Variants in JAKMIP1 observed in about 807,000 individuals in gnomAD.
The protein encoded by JAKMIP1 is janus kinase and microtubule-interacting protein 1.
Under a neutral mutation model 113.0 loss-of-function variants are expected in JAKMIP1, and 33 were observed. That is an observed-to-expected ratio of 0.29 (90% CI 0.22 to 0.39). The LOEUF (loss-of-function observed/expected upper bound fraction) is 0.39, where lower values mean the gene tolerates loss of function less well. JAKMIP1 is among the 10% of genes least tolerant of loss of function. The pLI, the probability that JAKMIP1 is intolerant of heterozygous loss-of-function variation, is 1.00. For missense variants in JAKMIP1, 813 were observed against 1,080.5 expected (o/e 0.75, Z 3.47); for synonymous variants, 480 against 459.9 (o/e 1.04, Z -0.56).
chr4:6,095,511 T>C (rs2108851111), intron 3 of JAKMIP1, among the ~76,000 whole-genome samples: 1 of 152,354 alleles, frequency 6.6e-6, no homozygotes, highest in African/African-American at 2.4e-5. Context: ...GACAGAGTCC[T>C]GTTTGCAGCC....
At chr4:6,056,412 G>T (rs1003553508) in intron 12 of JAKMIP1, among the ~76,000 whole-genome samples, 1 of 152,224 alleles carries the variant, frequency 6.6e-6, no homozygotes, top group Non-Finnish European at 1.5e-5. Flanking sequence ...CCCCATTTCT[G>T]CAGAGTGGCC....
chr4:6,090,720 C>T (rs1402963394), intron 3 of JAKMIP1, among the ~76,000 whole-genome samples: 1 of 152,066 alleles, frequency 6.6e-6, no homozygotes, highest in East Asian at 1.9e-4. Flanking sequence ...AATGTCAAAA[C>T]GCCATGTTGA....
intron 8 of JAKMIP1, among the ~76,000 whole-genome samples, chr4:6,077,264 C>A (rs143716760): frequency 4.9e-4 from 74 of 151,996 alleles, no homozygotes; most frequent in Non-Finnish European, 8.7e-4. Context: ...TATGTGAAGC[C>A]ACAGAGACAC....
chr4:6,170,124 TCACCAC>T (rs1466622649), intron 1 of JAKMIP1, among the ~76,000 whole-genome samples: 6 of 126,974 alleles, frequency 4.7e-5, no homozygotes, highest in African/African-American at 1.8e-4. Flanking sequence ...ATCATCACCA[TCACCAC>T]CACCACCACT....
chr4:6,114,059 C>T (rs1026202316), intron 1 of JAKMIP1, among the ~76,000 whole-genome samples: 15 of 152,200 alleles, frequency 9.9e-5, no homozygotes, highest in Non-Finnish European at 1.5e-4. Context: ...TTACTAGGCC[C>T]ATTTTAGAGA....
chr4:6,062,555 A>T, intron 9 of JAKMIP1, 115 bp from the exon 10 acceptor site: 121 of 1,109,818 alleles, frequency 1.1e-4, no homozygotes, highest in Middle Eastern at 6.0e-4. Context: ...TTTGAGTGCC[A>T]GGGTCAACTT....
chr4:6,041,806 T>A (rs1278360484), intron 17 of JAKMIP1, among the ~76,000 whole-genome samples: 1 of 152,152 alleles, frequency 6.6e-6, no homozygotes, highest in Non-Finnish European at 1.5e-5. Context: ...CTGGGCTGTG[T>A]CTCTCCTAAC....
At position 6,080,009 on chromosome 4, in the gene JAKMIP1, G is replaced by A. The variant is rs1483902585; in HGVS notation, c.1242+163C>T. On this transcript the variant is annotated intron_variant, in intron 7 of 20. Transcript: ENST00000409021. This position sits in a 1 kb window ranked among gnomAD's most constrained non-coding sequence, Gnocchi z 6.0. The stretch of plus-strand genomic sequence containing the variant: ...GCTGCTTAGTGGCAGAATGAAGCGG[G>A]AATGTGCACACCAGGGTGAGCTTGG... Among the ~76,000 whole-genome samples, 1 of 152,228 alleles carries A rather than the reference G, an allele frequency of 6.6e-6. No homozygotes were observed. The highest frequency in any genetic ancestry group is 1.5e-5 in the Non-Finnish European group (1 of 68,040).
At chr4:6,113,066 A>G in intron 1 of JAKMIP1, 69 bp from the exon 2 acceptor site, 1 of 680,666 alleles carries the variant, frequency 1.5e-6, no homozygotes, top group Non-Finnish European at 2.3e-6. Context: ...TGCCTCGGGC[A>G]CCCTGGGCCA....
chr4:6,030,495 C>T (rs1004821825), intron 19 of JAKMIP1, among the ~76,000 whole-genome samples: 2 of 152,120 alleles, frequency 1.3e-5, no homozygotes, highest in African/African-American at 4.8e-5. Context: ...CATTCCTTCC[C>T]ATCCCACACA....
intron 3 of JAKMIP1, among the ~76,000 whole-genome samples, chr4:6,098,552 AAGAAAGAAAG>A (rs1560179904): frequency 1.5e-3 from 49 of 32,664 alleles, no homozygotes; most frequent in East Asian, 0.02. Flanking sequence ...AAGAAAAAGA[AAGAAAGAAAG>A]AAAGAAAGAA....
intron 1 of JAKMIP1, among the ~76,000 whole-genome samples, chr4:6,191,666 C>T (rs758712041): frequency 6.6e-6 from 1 of 152,334 alleles, no homozygotes; most frequent in Admixed American, 6.5e-5. Flanking sequence ...AGCCTGGACC[C>T]TGCTGCCCTC....
chr4:6,133,594 G>A (rs4624725), intron 1 of JAKMIP1, among the ~76,000 whole-genome samples: 122,990 of 152,166 alleles, frequency 0.81, 49,827 homozygotes, highest in Middle Eastern at 0.83. Context: ...GATAGTGGGT[G>A]GTGGGCAGGG....
intron 1 of JAKMIP1, among the ~76,000 whole-genome samples, chr4:6,133,225 A>G (rs566622142): frequency 9.9e-5 from 15 of 152,196 alleles, no homozygotes; most frequent in Non-Finnish European, 1.8e-4. Context: ...AAGCTCCTGA[A>G]TATTCTATAG....
At chr4:6,071,747 T>G (rs964694928) in intron 8 of JAKMIP1, among the ~76,000 whole-genome samples, 3 of 152,190 alleles carry the variant, frequency 2.0e-5, no homozygotes, top group Non-Finnish European at 4.4e-5. Context: ...ACAGACGGTG[T>G]GTGTGCTTGT....
chr4:6,152,894 C>T (rs764841732), intron 1 of JAKMIP1, among the ~76,000 whole-genome samples: 23 of 150,934 alleles, frequency 1.5e-4, no homozygotes, highest in Non-Finnish European at 2.8e-4. Flanking sequence ...TCACTTGAAC[C>T]CAGGAGGCGG....
intron 3 of JAKMIP1, among the ~76,000 whole-genome samples, chr4:6,102,721 A>ATTTT (rs1560188201): frequency 2.5e-5 from 2 of 79,652 alleles, no homozygotes; most frequent in South Asian, 3.8e-4. Flanking sequence ...CTCTCTAAAG[A>ATTTT]CTTTTTTTTT....
Position 6,155,316 on chromosome 4 carries a change from C to A in JAKMIP1, c.-147-42319G>T, listed in dbSNP as rs1222857067. Among the ~76,000 whole-genome samples the A allele has an allele frequency of 6.6e-6, 1 of 152,122 alleles. No individual in the cohort carries two copies. The highest frequency in any genetic ancestry group is 6.5e-5 in the Admixed American group (1 of 15,284). On this transcript the variant is annotated intron_variant, in intron 1 of 20. Coordinates refer to ENST00000409021, the MANE Select transcript of JAKMIP1 (RefSeq NM_001099433.2). The surrounding 1 kb of genome is among the most constrained non-coding windows in gnomAD (Gnocchi z 6.1). Reference sequence around the variant, plus strand: ...AACCACCACTCAACCACCACCACCGCGAATGTTTACCCAGCCCTTATCCTG... The same window carrying A: ...AACCACCACTCAACCACCACCACCGAGAATGTTTACCCAGCCCTTATCCTG...
At position 6,127,996 on chromosome 4, in the gene JAKMIP1, A is replaced by G. The variant is rs192120759; in HGVS notation, c.-147-14999T>C. ...CCCCCATCTCTGGGTAACACCTGCT[A>G]TGTATCAGGCGCCCCATCTGCCTTT... On this transcript the variant is annotated intron_variant, in intron 1 of 20. Transcript: ENST00000409021. Among the ~76,000 whole-genome samples the G allele has an allele frequency of 9.9e-5, 15 of 152,234 alleles. No homozygotes were observed. In the East Asian group the frequency reaches 2.5e-3, roughly 26 times the overall value.
Sources: gnomAD v4.1 joint callset for allele counts (sites outside exome capture counted in the v4.1 genomes callset) on GRCh38, gnomAD v4.1.1 for gene constraint, Gnocchi (gnomAD v3.1) non-coding constraint, MANE v1.5 for transcripts, NCBI Gene and HGNC (gene_info 2026-07-23, HGNC 2026-07-21) for gene names.